Variants in ANK1 observed in about 807,000 individuals in gnomAD.
ANK1 encodes the protein ankyrin-1.
A neutral mutation model predicts 210.4 loss-of-function variants in ANK1; 51 were observed. That is an observed-to-expected ratio of 0.24 (90% CI 0.19 to 0.31). The LOEUF (loss-of-function observed/expected upper bound fraction) is 0.31. Ranked by LOEUF, ANK1 falls within the 10% of genes least tolerant of loss-of-function variation. The pLI, the probability that ANK1 is intolerant of heterozygous loss-of-function variation, is 1.00. For missense variants in ANK1, 2,051 were observed against 2,504.4 expected (o/e 0.82, Z 3.86); for synonymous variants, 967 against 1,025.9 (o/e 0.94, Z 1.10).
At chr8:41,693,790 A>G in intron 29 of ANK1, 108 bp downstream of exon 29, 3 of 1,332,594 alleles carry the variant, frequency 2.3e-6, no homozygotes, top group East Asian at 2.5e-5. Context: ...GGGGAAGTCA[A>G]CAAAAACTAA....
chr8:41,719,706 A>G lies in ANK1; in HGVS notation c.1062T>C (p.Ala354=), dbSNP rs1828755717. ...TGGCCCCTTTATCCAGAAGGACCTT[A>G]GCCACCCTGTGGTGTCCACAGTGGG... ...VAAHCGHHRV[A]KVLLDKGAKP... Residue 354 remains alanine (A), a synonymous_variant, in exon 10 of 43, where the codon GCT becomes GCC. Coordinates refer to ENST00000289734, the MANE Select transcript of ANK1 (RefSeq NM_000037.4). The G allele has an allele frequency of 6.2e-7, 1 of 1,614,058 alleles. No homozygotes were observed. The highest frequency in any genetic ancestry group is 1.3e-5 in the African/African-American group (1 of 74,914).
At position 41,690,405 on chromosome 8, in the gene ANK1, T is replaced by C. The variant is rs1293546128; in HGVS notation, c.3985-59A>G. On this transcript the variant is annotated intron_variant, in intron 32 of 42. Transcript: ENST00000289734. Reference sequence around the variant, plus strand: ...CCCTTTTCTAGGCCACCCGGCTGTCTGGTTTAGGGAATTCTGCCTCCCCAA... The same window carrying C: ...CCCTTTTCTAGGCCACCCGGCTGTCCGGTTTAGGGAATTCTGCCTCCCCAA... 5.0e-6 allele frequency: 8 copies of C among 1,614,122 alleles called. No homozygotes were observed. The South Asian group carries it at 8.8e-5, about 18-fold the overall frequency.
chr8:41,673,616 C>G (rs1404898652), intron 37 of ANK1, among the ~76,000 whole-genome samples: 2 of 152,150 alleles, frequency 1.3e-5, no homozygotes, highest in African/African-American at 4.8e-5. Flanking sequence ...TCAGAAGGCA[C>G]CAAGAGGCAC....
chr8:41,791,988 A>C (rs1847833548), intron 1 of ANK1, among the ~76,000 whole-genome samples: 1 of 151,998 alleles, frequency 6.6e-6, no homozygotes, highest in South Asian at 2.1e-4. Flanking sequence ...CACAGGCAAC[A>C]CACCCTGTCT....
At chr8:41,699,153 G>A (rs1821948449) in intron 23 of ANK1, among the ~76,000 whole-genome samples, 1 of 152,144 alleles carries the variant, frequency 6.6e-6, no homozygotes, top group Admixed American at 6.5e-5. Flanking sequence ...GAGAGGGGGT[G>A]TGGATATAAG....
At chr8:41,822,149 A>G (rs1804536664) in intron 1 of ANK1, among the ~76,000 whole-genome samples, 1 of 52,140 alleles carries the variant, frequency 1.9e-5, no homozygotes, top group African/African-American at 5.5e-5. Flanking sequence ...AAAGAAAGAA[A>G]GAAAGAAAGA....
intron 1 of ANK1, chr8:41,803,416 TCTC>T (rs1383406151): frequency 6.6e-6 from 1 of 152,202 alleles, no homozygotes; most frequent in Admixed American, 6.5e-5. Flanking sequence ...ATTTGTTCCT[TCTC>T]CATTCCCACT....
At chr8:41,843,488 G>A (rs1809430544) in intron 1 of ANK1, among the ~76,000 whole-genome samples, 1 of 143,270 alleles carries the variant, frequency 7.0e-6, no homozygotes, top group Admixed American at 7.3e-5. Context: ...CTGCAGCAAT[G>A]CTCTCAGCCC....
At chr8:41,794,253 C>T (rs1848305803) in intron 1 of ANK1, among the ~76,000 whole-genome samples, 1 of 152,222 alleles carries the variant, frequency 6.6e-6, no homozygotes, top group African/African-American at 2.4e-5. Flanking sequence ...CTTTCCCAAT[C>T]TCTCTGACCT....
At chr8:41,695,885 A>C (rs1461932691) in intron 26 of ANK1, among the ~76,000 whole-genome samples, 1 of 152,194 alleles carries the variant, frequency 6.6e-6, no homozygotes, top group Non-Finnish European at 1.5e-5. Flanking sequence ...GGCTGCTTCA[A>C]GGGAGTGGAG....
At chr8:41,854,633 G>A (rs1811852244) in intron 1 of ANK1, among the ~76,000 whole-genome samples, 1 of 152,132 alleles carries the variant, frequency 6.6e-6, no homozygotes, top group Non-Finnish European at 1.5e-5. Context: ...GGCCCCAGAT[G>A]GGAGTATTTG....
At chr8:41,804,614 A>G (rs1255452734) in intron 1 of ANK1, among the ~76,000 whole-genome samples, 1 of 152,168 alleles carries the variant, frequency 6.6e-6, no homozygotes, top group Non-Finnish European at 1.5e-5. Context: ...GTCTTTTTCA[A>G]TGAGAGGGTA....
intron 10 of ANK1, 91 bp downstream of exon 10, chr8:41,719,570 C>A: frequency 1.3e-6 from 2 of 1,552,550 alleles, no homozygotes; most frequent in Non-Finnish European, 1.8e-6. Context: ...GGGCACCTGC[C>A]GCCCTTCCCA....
chr8:41,703,422 G>GTATATATATATATATATATATA (rs57077078), intron 20 of ANK1, among the ~76,000 whole-genome samples: 8 of 53,738 alleles, frequency 1.5e-4, no homozygotes, highest in African/African-American at 2.1e-4. Context: ...GTGTGTGTGT[G>GTATATATATATATATATATATA]TATATATATA....
intron 1 of ANK1, among the ~76,000 whole-genome samples, chr8:41,881,763 CA>C (rs1181155987): frequency 1.3e-5 from 2 of 152,200 alleles, no homozygotes; most frequent in African/African-American, 4.8e-5. Flanking sequence ...GTGACGTGAG[CA>C]AGGGACTTCA....
chr8:41,701,908 G>A, intron 21 of ANK1, 144 bp downstream of exon 21: 2 of 875,492 alleles, frequency 2.3e-6, no homozygotes, highest in South Asian at 1.5e-5. Flanking sequence ...CTGGAAGGAG[G>A]ACAAGCTCCC....
At chr8:41,717,771 A>G (rs1198432989) in intron 11 of ANK1, 69 bp from the exon 12 acceptor site, 1 of 1,284,490 alleles carries the variant, frequency 7.8e-7, no homozygotes. Flanking sequence ...AGAGAACCTG[A>G]CAGTATCTAA....
intron 1 of ANK1, among the ~76,000 whole-genome samples, chr8:41,842,092 T>C (rs1056311030): frequency 6.6e-6 from 1 of 152,214 alleles, no homozygotes; most frequent in Non-Finnish European, 1.5e-5. Flanking sequence ...CTGCTCTGAC[T>C]GTGACCCAGG....
At chr8:41,822,374 T>C (rs1283118627) in intron 1 of ANK1, among the ~76,000 whole-genome samples, 1 of 152,148 alleles carries the variant, frequency 6.6e-6, no homozygotes, top group Non-Finnish European at 1.5e-5. Flanking sequence ...TGATGGCTGA[T>C]TGGGAATGAG....
Sources: gnomAD v4.1 joint callset for allele counts (sites outside exome capture counted in the v4.1 genomes callset) on GRCh38, gnomAD v4.1.1 for gene constraint, MANE v1.5 for transcripts, NCBI Gene and HGNC (gene_info 2026-07-23, HGNC 2026-07-21) for gene names.